Variants in CEACAM21 observed in about 807,000 individuals in gnomAD.
The protein encoded by CEACAM21 is cell adhesion molecule CEACAM21.
In CEACAM21, 38 loss-of-function variants were observed where a neutral mutation model predicts 33.2. That is an observed-to-expected ratio of 1.14 (90% CI 0.88 to 1.50). CEACAM21 has a LOEUF of 1.50. CEACAM21 is among the 40% of genes most tolerant of loss of function. The probability of loss-of-function intolerance (pLI) is 0.00; values close to 1 mark genes in which losing one functional copy is unlikely to be tolerated. For synonymous variants in CEACAM21, 156 were observed against 143.0 expected, an observed-to-expected ratio of 1.09 and a Z score of -0.65; for missense variants, 385 against 364.6, an observed-to-expected ratio of 1.06 and a Z score of -0.46.
At chr19:41,555,448 T>C (rs2041476475) in intron 1 of CEACAM21, 1 of 151,952 alleles carries the variant, frequency 6.6e-6, no homozygotes, top group African/African-American at 2.4e-5. Context: ...TTTTTAATTT[T>C]AACAAACTGT....
rs534610630 is a variant in CEACAM21 at position 41,576,395 on chromosome 19, G to T, written c.64+57G>T. 7.7e-6 allele frequency: 12 copies of T among 1,551,580 alleles called. No individual in the cohort carries two copies. The South Asian group carries it at 1.3e-4, about 17-fold the overall frequency. The stretch of plus-strand genomic sequence containing the variant: ...AGGAGGGAGCACAGAGACTGGCTGG[G>T]GTCTCCTGGGGAGGATGGGGCTCTG... On this transcript the variant is annotated intron_variant, in intron 1 of 6. Coordinates refer to ENST00000401445, the MANE Select transcript of CEACAM21 (RefSeq NM_001098506.4).
At chr19:41,552,810 G>A (rs886302028) in intron 1 of CEACAM21, among the ~76,000 whole-genome samples, 5 of 152,054 alleles carry the variant, frequency 3.3e-5, no homozygotes, top group Admixed American at 2.6e-4. Flanking sequence ...CATAATAGTA[G>A]GCAACAGCAA....
Position 41,579,349 on chromosome 19 carries a change from A to G in CEACAM21, c.425-4A>G. On this transcript the variant is annotated splice_polypyrimidine_tract_variant and splice_region_variant and intron_variant, in intron 2 of 6. Transcript: ENST00000401445. The stretch of plus-strand genomic sequence containing the variant: ...ACACTTTCTGTTGGTCACTCTATCC[A>G]CAGAGTCAGTGGCTCAGCCCTCCAT... The G allele has an allele frequency of 1.2e-6, 2 of 1,613,930 alleles. No individual in the cohort carries two copies. The highest frequency in any genetic ancestry group is 1.3e-5 in the African/African-American group (1 of 75,034).
intron 2 of CEACAM21, among the ~76,000 whole-genome samples, chr19:41,578,907 G>A (rs1317426024): frequency 2.0e-5 from 3 of 152,198 alleles, no homozygotes; most frequent in Non-Finnish European, 4.4e-5. Flanking sequence ...CTCTGATGAA[G>A]GAGGGAGGGA....
intron 3 of CEACAM21, among the ~76,000 whole-genome samples, chr19:41,583,998 G>C (rs921892907): frequency 6.6e-6 from 1 of 152,152 alleles, no homozygotes; most frequent in Non-Finnish European, 1.5e-5. Context: ...GCATTGAGTT[G>C]GCAGCAAGGG....
At chr19:41,578,883 C>A (rs1568610217) in intron 2 of CEACAM21, among the ~76,000 whole-genome samples, 1 of 152,178 alleles carries the variant, frequency 6.6e-6, no homozygotes, top group Non-Finnish European at 1.5e-5. Context: ...AACTGAGACA[C>A]ACACTCAGTA....
At chr19:41,555,761 T>C (rs1249796961) in intron 1 of CEACAM21, among the ~76,000 whole-genome samples, 1 of 149,196 alleles carries the variant, frequency 6.7e-6, no homozygotes, top group African/African-American at 2.4e-5. Flanking sequence ...GGAAATCATA[T>C]TCATTGGTGG....
intron 2 of CEACAM21, among the ~76,000 whole-genome samples, chr19:41,565,291 G>C (rs1382087445): frequency 1.3e-5 from 2 of 152,144 alleles, no homozygotes; most frequent in African/African-American, 4.8e-5. Context: ...GAAGGGGGTG[G>C]GGAGCCTAAG....
At chr19:41,564,895 C>A (rs1170927631) in exon 2 of CEACAM21, 1 of 152,272 alleles carries the variant, frequency 6.6e-6, no homozygotes, top group African/African-American at 2.4e-5. Flanking sequence ...GCGCTAACAC[C>A]CTCGGAGGTC....
intron 1 of CEACAM21, 24 bp downstream of exon 1, chr19:41,576,362 T>G: frequency 1.3e-6 from 2 of 1,593,902 alleles, no homozygotes; most frequent in South Asian, 1.1e-5. Context: ...TCCCTGGGAG[T>G]GGGTGGGAGG....
rs2070705615 is a variant in CEACAM21, at chr19:41,585,934, G to C, written c.*63G>C. 1.9e-6 allele frequency: 3 copies of C among 1,544,858 alleles called. No homozygotes were observed. In the African/African-American group the frequency reaches 4.1e-5, roughly 21 times the overall value. ...CCCCAGCTGTGCAGGCTCAGGGCAG[G>C]GGGACTGTCAATCCCCAGCACAAAC... is the stretch of plus-strand genomic sequence containing the variant. On this transcript the variant is annotated intron_variant, in intron 6 of 6. Coordinates refer to ENST00000401445, the MANE Select transcript of CEACAM21 (RefSeq NM_001098506.4).
Position 41,577,209 on chromosome 19 carries a change from TA to T in CEACAM21, c.76del (p.Thr26LeufsTer53). 6.2e-7 allele frequency: 1 copy of T among 1,614,104 alleles called. No individual in the cohort carries two copies. The highest frequency in any genetic ancestry group is 1.1e-5 in the South Asian group (1 of 91,076). On this transcript the variant is annotated frameshift_variant, in exon 2 of 7. Coordinates refer to ENST00000401445, the MANE Select transcript of CEACAM21 (RefSeq NM_001098506.4). LOFTEE classifies it high-confidence loss of function. ...TCTCTCCCTTTCCTAGCCTCACTTT[TA>T]ACTTTCTGGAACGCACCCACCACTG... The part of the protein sequence containing the change: ...WQGLLLTASL[L>X]TFWNAPTTAW...
At chr19:41,555,255 C>A (rs916841811) in intron 1 of CEACAM21, 2 of 150,644 alleles carry the variant, frequency 1.3e-5, no homozygotes, top group African/African-American at 4.9e-5. Flanking sequence ...TCATCTACTC[C>A]TTTCATGAAA....
At position 41,586,763 on chromosome 19, in the gene CEACAM21, G is replaced by A. The variant is rs1033612138; in HGVS notation, c.*300G>A. On this transcript the variant is annotated 3_prime_UTR_variant, in exon 7 of 7. Transcript: ENST00000401445. Reference sequence around the variant, plus strand: ...GCTTCCCATCACCACAGGAAGTGGGGGCTTGCAGGGAAAGTGAATGGGCCT... The same window carrying A: ...GCTTCCCATCACCACAGGAAGTGGGAGCTTGCAGGGAAAGTGAATGGGCCT... The A allele has an allele frequency of 1.4e-5, 5 of 350,226 alleles. No individual in the cohort carries two copies. In the East Asian group the frequency reaches 3.5e-4, roughly 25 times the overall value. The allele number at this position is 350,226 out of a possible 1,614,324, so 21.7% of individuals were successfully genotyped here. A position where few individuals can be genotyped will look rare whatever the true frequency, so the allele number is the denominator to read the frequency against.
intron 2 of CEACAM21, among the ~76,000 whole-genome samples, chr19:41,568,205 A>G (rs1056987124): frequency 6.6e-6 from 1 of 152,130 alleles, no homozygotes; most frequent in East Asian, 1.9e-4. Context: ...ATATTTACAA[A>G]TATATTCTCC....
chr19:41,586,235 A>G, intron 6 of CEACAM21: 5 of 528,006 alleles, frequency 9.5e-6, no homozygotes, highest in Middle Eastern at 2.8e-4. Flanking sequence ...CTTGGGCCCC[A>G]GGGAGACCCA....
intron 3 of CEACAM21, among the ~76,000 whole-genome samples, chr19:41,580,581 G>T (rs782189358): frequency 6.6e-6 from 1 of 152,114 alleles, no homozygotes; most frequent in Non-Finnish European, 1.5e-5. Context: ...CACATACTTA[G>T]GCTTACCGGT....
chr19:41,580,600 A>T (rs2043303187), intron 3 of CEACAM21, among the ~76,000 whole-genome samples: 1 of 152,148 alleles, frequency 6.6e-6, no homozygotes, highest in South Asian at 2.1e-4. Context: ...GTTTGTAATA[A>T]AGGACTTTAC....
rs139542845 is a variant in CEACAM21, at chr19:41,579,476, G to A, written c.548G>A (p.Arg183His). 2.2e-4 allele frequency: 363 copies of A among 1,613,834 alleles called. No individual in the cohort carries two copies. The African/African-American group carries it at 3.9e-3, about 17-fold the overall frequency. The change falls in exon 3 of 7, where the codon CGT becomes CAT. Residue 183 changes from arginine (R) to histidine (H), a missense_variant. By Grantham distance (29) the Arg-to-His change is conservative (BLOSUM62 0). Coordinates refer to ENST00000401445, the MANE Select transcript of CEACAM21 (RefSeq NM_001098506.4). ...TSFQWIFNNQRLQVTKRMKLS... is the reference protein window; with the variant it reads ...TSFQWIFNNQHLQVTKRMKLS... ...TTCCAGTGGATTTTCAACAACCAGC[G>A]TCTGCAGGTCACGAAGAGGATGAAG...
Sources: allele counts gnomAD v4.1 joint callset (sites outside exome capture counted in the v4.1 genomes callset), GRCh38; gene constraint gnomAD v4.1.1; transcripts MANE v1.5; gene names NCBI Gene and HGNC (gene_info 2026-07-23, HGNC 2026-07-21).